Variants in TMEM255B observed in about 807,000 individuals in gnomAD.
TMEM255B encodes the protein transmembrane protein 255B, also known as family with sequence similarity 70, member B.
In TMEM255B, 35 loss-of-function variants were observed where a neutral mutation model predicts 34.5. The ratio of observed to expected loss-of-function variants is 1.01; its 90% CI spans 0.77 to 1.34. The LOEUF (loss-of-function observed/expected upper bound fraction) is 1.34, where lower values mean the gene tolerates loss of function less well. TMEM255B is among the 40% of genes most tolerant of loss of function. The pLI, the probability that TMEM255B is intolerant of heterozygous loss-of-function variation, is 0.00. For synonymous variants in TMEM255B, 206 were observed against 201.2 expected (o/e 1.02, Z -0.20); for missense variants, 432 against 433.2 (o/e 1.00, Z 0.02).
At chr13:113,810,569 A>G (rs2051279496) in intron 8 of TMEM255B, among the ~76,000 whole-genome samples, 1 of 152,138 alleles carries the variant, frequency 6.6e-6, no homozygotes, top group Non-Finnish European at 1.5e-5. Flanking sequence ...CTGGCTGATG[A>G]CTGTGGGCTT....
chr13:113,795,363 T>A, intron 4 of TMEM255B, 126 bp downstream of exon 4: 1 of 990,858 alleles, frequency 1.0e-6, no homozygotes, highest in Non-Finnish European at 1.5e-6. Context: ...ACGCTGGGGG[T>A]TGCCAGTGAC....
rs146008671 is a variant in TMEM255B, at chr13:113,763,966, C to T, written c.47-2149C>T. On this transcript the variant is annotated intron_variant, in intron 1 of 8. Coordinates refer to ENST00000375353, the MANE Select transcript of TMEM255B (RefSeq NM_182614.4). ...GGCGGAGCTGGAGGAGGCCTTGGGCCGTGTGTTCCGGCTGGCAGGTGCAGC... is the reference window on the plus strand; with the variant it reads ...GGCGGAGCTGGAGGAGGCCTTGGGCTGTGTGTTCCGGCTGGCAGGTGCAGC... 1.4e-4 allele frequency among the ~76,000 whole-genome samples: 21 copies of T among 152,230 alleles called. 1 individual carries two copies. Among genetic ancestry groups the T allele is most frequent in the African/African-American group, 4.3e-4 (18 of 41,468 alleles).
chr13:113,759,344 G>T, intron 1 of TMEM255B, 29 bp downstream of exon 1: 1 of 1,229,328 alleles, frequency 8.1e-7, no homozygotes, highest in East Asian at 3.2e-5. Flanking sequence ...GCTCGTCTCG[G>T]CTCCTGCGGG....
intron 1 of TMEM255B, 23 bp from the exon 2 acceptor site, chr13:113,766,092 G>C: frequency 6.2e-7 from 1 of 1,613,406 alleles, no homozygotes; most frequent in Non-Finnish European, 8.5e-7. Context: ...CTCACTGACA[G>C]GTCCTCGCCT....
At chr13:113,760,258 C>G (rs1443084888) in intron 1 of TMEM255B, among the ~76,000 whole-genome samples, 2 of 152,184 alleles carry the variant, frequency 1.3e-5, no homozygotes, top group East Asian at 3.8e-4. Flanking sequence ...TGGCTTCTTT[C>G]TAAAAGAAAC....
intron 1 of TMEM255B, among the ~76,000 whole-genome samples, chr13:113,762,280 A>G (rs1220960717): frequency 6.6e-6 from 1 of 151,722 alleles, no homozygotes; most frequent in African/African-American, 2.4e-5. Flanking sequence ...TGTGTCATGT[A>G]TTTATAGAAT....
At chr13:113,772,290 G>T (rs1357670079) in intron 3 of TMEM255B, among the ~76,000 whole-genome samples, 1 of 152,072 alleles carries the variant, frequency 6.6e-6, no homozygotes. Context: ...TCTGTACATT[G>T]CCGTTTCACT....
At chr13:113,810,734 C>T (rs2051282134) in intron 8 of TMEM255B, among the ~76,000 whole-genome samples, 1 of 152,136 alleles carries the variant, frequency 6.6e-6, no homozygotes, top group Admixed American at 6.5e-5. Context: ...CGTCCGTGTC[C>T]AGGGGCTGAG....
chr13:113,776,246 G>T (rs977809061), intron 3 of TMEM255B, among the ~76,000 whole-genome samples: 2 of 152,240 alleles, frequency 1.3e-5, no homozygotes, highest in Non-Finnish European at 2.9e-5. Context: ...CTTGGGGGCC[G>T]CCCGCCCTGC....
At chr13:113,780,109 G>A (rs1394913067) in intron 3 of TMEM255B, among the ~76,000 whole-genome samples, 1 of 152,228 alleles carries the variant, frequency 6.6e-6, no homozygotes, top group South Asian at 2.1e-4. Context: ...TGAGTTGGGT[G>A]AATTCCTCTC....
intron 3 of TMEM255B, among the ~76,000 whole-genome samples, chr13:113,789,508 GA>G (rs1387459254): frequency 3.3e-5 from 5 of 152,238 alleles, no homozygotes; most frequent in Non-Finnish European, 7.3e-5. Context: ...AGTCCAGGGG[GA>G]TGTGGGCTGT....
intron 3 of TMEM255B, among the ~76,000 whole-genome samples, chr13:113,784,612 G>C (rs2050713460): frequency 6.6e-6 from 1 of 152,202 alleles, no homozygotes; most frequent in South Asian, 2.1e-4. Context: ...AGAGTGAAAT[G>C]CCCATTGTGA....
chr13:113,790,181 C>G (rs900455351), intron 3 of TMEM255B, among the ~76,000 whole-genome samples: 3 of 121,370 alleles, frequency 2.5e-5, no homozygotes, highest in African/African-American at 7.9e-5. Flanking sequence ...TGACCAGACA[C>G]GTGGACATCC....
intron 5 of TMEM255B, chr13:113,799,813 T>C (rs1287257582): frequency 3.1e-6 from 2 of 636,868 alleles, no homozygotes; most frequent in Non-Finnish European, 5.8e-6. Flanking sequence ...CATTTCTCTT[T>C]CCAGGTGAGT....
At chr13:113,797,694 C>T (rs559774280) in intron 4 of TMEM255B, among the ~76,000 whole-genome samples, 6 of 152,306 alleles carry the variant, frequency 3.9e-5, no homozygotes, top group South Asian at 2.1e-4. Context: ...CCCAAAGGAC[C>T]GATGAGTGAT....
At chr13:113,796,930 C>T (rs547973133) in intron 4 of TMEM255B, among the ~76,000 whole-genome samples, 17 of 152,316 alleles carry the variant, frequency 1.1e-4, no homozygotes, top group African/African-American at 4.1e-4. Flanking sequence ...CATGCACACA[C>T]CACGGCCCAC....
In TMEM255B at chr13:113,791,690, G is replaced by A. The variant is rs531024393; in HGVS notation, c.253-3458G>A. ...TGTGATGATGATGTCACAGTTGTGCGGATTAGAAGGATGGGTCGAGCGAAA... is the reference window on the plus strand; with the variant it reads ...TGTGATGATGATGTCACAGTTGTGCAGATTAGAAGGATGGGTCGAGCGAAA... On this transcript the variant is annotated intron_variant, in intron 3 of 8. Transcript: ENST00000375353. Among the ~76,000 whole-genome samples the A allele has an allele frequency of 6.6e-5, 10 of 152,334 alleles. No individual in the cohort carries two copies. In the East Asian group the frequency reaches 1.7e-3, roughly 26 times the overall value.
At chr13:113,792,594 C>T (rs1410543023) in intron 3 of TMEM255B, among the ~76,000 whole-genome samples, 5 of 152,342 alleles carry the variant, frequency 3.3e-5, no homozygotes, top group East Asian at 1.9e-4. Context: ...CTATGGTGGC[C>T]GTCAGACGGG....
intron 7 of TMEM255B, chr13:113,803,215 G>C (rs2051099537): frequency 6.8e-6 from 1 of 147,764 alleles, no homozygotes; most frequent in Non-Finnish European, 1.5e-5. Flanking sequence ...TACCTCCAGG[G>C]CCAGCCCGCA....
Sources: gnomAD v4.1 joint callset for allele counts (sites outside exome capture counted in the v4.1 genomes callset) on GRCh38, gnomAD v4.1.1 for gene constraint, MANE v1.5 for transcripts, NCBI Gene and HGNC (gene_info 2026-07-23, HGNC 2026-07-21) for gene names.